NLGN1: variants seen among roughly 807,000 people sequenced by gnomAD.
NLGN1 encodes the protein neuroligin 1, also known as neuroligin-1.
In NLGN1, 12 loss-of-function variants were observed where a neutral mutation model predicts 65.5. The observed-to-expected ratio is 0.18, with a 90% CI of 0.12 to 0.30. NLGN1 has a LOEUF of 0.30. Among genes scored for constraint, NLGN1 ranks in the 10% least tolerant of loss-of-function variants. NLGN1 has a pLI of 1.00. For synonymous variants in NLGN1, 350 were observed against 359.5 expected, an observed-to-expected ratio of 0.97 and a Z score of 0.30; for missense variants, 750 against 1,007.1, an observed-to-expected ratio of 0.74 and a Z score of 3.46.
chr3:173,835,332 G>A (rs1391180751), intron 4 of NLGN1, among the ~76,000 whole-genome samples: 2 of 152,054 alleles, frequency 1.3e-5, no homozygotes, highest in Non-Finnish European at 2.9e-5. Flanking sequence ...CAAGAGGAAA[G>A]GCTTTTTAAT....
intron 3 of NLGN1, among the ~76,000 whole-genome samples, chr3:173,785,736 C>T (rs1166892204): frequency 1.3e-5 from 2 of 151,924 alleles, no homozygotes; most frequent in East Asian, 3.9e-4. Flanking sequence ...TATAATCTCT[C>T]ATCTATTTAC....
Position 174,089,470 on chromosome 3 carries a change from G to A in NLGN1, c.647-185845G>A, listed in dbSNP as rs111960912. 3.4e-3 allele frequency among the ~76,000 whole-genome samples: 516 copies of A among 152,148 alleles called. 3 individuals are homozygous for A. The highest frequency in any genetic ancestry group is 0.012 in the African/African-American group (495 of 41,514). ...GTCCACAAAAACAGCAGCCTTCCTT[G>A]AAATAAGAGAGGATACAAGAAAAGT... On this transcript the variant is annotated intron_variant, in intron 4 of 6. Transcript: ENST00000457714.
At chr3:173,601,869 C>A (rs1203461043) in intron 2 of NLGN1, among the ~76,000 whole-genome samples, 2 of 151,874 alleles carry the variant, frequency 1.3e-5, no homozygotes, top group Non-Finnish European at 2.9e-5. Context: ...TTTTTAATTT[C>A]TCTGTCCTAT....
At chr3:174,267,889 A>C (rs993282669) in intron 4 of NLGN1, among the ~76,000 whole-genome samples, 1 of 152,176 alleles carries the variant, frequency 6.6e-6, no homozygotes, top group African/African-American at 2.4e-5. Context: ...TCTAGTCCAG[A>C]AAAAAATGGA....
rs556026381 is a variant in NLGN1 at position 174,133,256 on chromosome 3, G to A, written c.647-142059G>A. Reference sequence around the variant, plus strand: ...AACCAAGAAGTTAAAACCTTCACATGCCATTCATTCCTTCGTAGAAGTCTC... The same window carrying A: ...AACCAAGAAGTTAAAACCTTCACATACCATTCATTCCTTCGTAGAAGTCTC... On this transcript the variant is annotated intron_variant, in intron 4 of 6. Transcript: ENST00000457714. 1.1e-4 allele frequency among the ~76,000 whole-genome samples: 16 copies of A among 152,294 alleles called. No individual in the cohort carries two copies. The South Asian group carries it at 2.9e-3, about 28-fold the overall frequency.
chr3:173,754,091 C>T (rs1302894552), intron 3 of NLGN1, among the ~76,000 whole-genome samples: 8 of 143,478 alleles, frequency 5.6e-5, no homozygotes, highest in East Asian at 2.1e-4. Flanking sequence ...TCACCCAGAG[C>T]GGGGTAGTGC....
chr3:174,255,435 C>CAAAAAAAAAAAA (rs71162383), intron 4 of NLGN1, among the ~76,000 whole-genome samples: 3 of 70,218 alleles, frequency 4.3e-5, no homozygotes, highest in African/African-American at 2.3e-4. Flanking sequence ...GACTCTGTCT[C>CAAAAAAAAAAAA]AAAAAAAAAA....
At chr3:174,130,968 C>CT (rs922158794) in intron 4 of NLGN1, among the ~76,000 whole-genome samples, 2 of 152,074 alleles carry the variant, frequency 1.3e-5, no homozygotes, top group African/African-American at 4.8e-5. Flanking sequence ...GGGATATAAA[C>CT]TTTTTTCTGT....
chr3:174,227,767 C>T (rs893914848), intron 4 of NLGN1, among the ~76,000 whole-genome samples: 2 of 151,950 alleles, frequency 1.3e-5, no homozygotes, highest in Non-Finnish European at 2.9e-5. Flanking sequence ...AATAGCATTA[C>T]TTAATTAATT....
At chr3:173,960,664 C>G (rs1410656606) in intron 4 of NLGN1, among the ~76,000 whole-genome samples, 2 of 151,614 alleles carry the variant, frequency 1.3e-5, no homozygotes, top group Non-Finnish European at 1.5e-5. Flanking sequence ...ATAAACTATA[C>G]AAAGAAAAAT....
At chr3:173,914,974 G>T (rs1024250122) in intron 4 of NLGN1, 1 of 152,124 alleles carries the variant, frequency 6.6e-6, no homozygotes, top group Non-Finnish European at 1.5e-5. Context: ...AATCCTTGCG[G>T]TTTTTAAAAC....
chr3:174,261,060 C>T (rs1746794284), intron 4 of NLGN1, among the ~76,000 whole-genome samples: 1 of 152,108 alleles, frequency 6.6e-6, no homozygotes, highest in Non-Finnish European at 1.5e-5. Context: ...GTTTTGGTAC[C>T]AGTACCATGC....
chr3:174,166,414 GT>G (rs2152727155), intron 4 of NLGN1, among the ~76,000 whole-genome samples: 1 of 152,082 alleles, frequency 6.6e-6, no homozygotes, highest in South Asian at 2.1e-4. Context: ...TTTCAAAGAA[GT>G]TTTTGATTTC....
intron 3 of NLGN1, among the ~76,000 whole-genome samples, chr3:173,743,633 A>G (rs963486902): frequency 3.3e-5 from 5 of 152,054 alleles, no homozygotes; most frequent in Non-Finnish European, 7.4e-5. Context: ...TCTGTTTTCT[A>G]TGTCTAAGTG....
chr3:173,525,877 G>A (rs887032154), intron 2 of NLGN1, among the ~76,000 whole-genome samples: 3 of 152,008 alleles, frequency 2.0e-5, no homozygotes, highest in African/African-American at 2.4e-5. Context: ...TCAGGAGCAG[G>A]TTACTTAGTT....
chr3:173,944,247 C>T (rs1413304990), intron 4 of NLGN1, among the ~76,000 whole-genome samples: 9 of 150,702 alleles, frequency 6.0e-5, no homozygotes, highest in East Asian at 3.9e-4. Flanking sequence ...AAGGTGTACT[C>T]GTATTTTAGT....
chr3:173,696,079 G>A (rs1244597973), intron 3 of NLGN1, among the ~76,000 whole-genome samples: 1 of 152,130 alleles, frequency 6.6e-6, no homozygotes, highest in East Asian at 1.9e-4. Context: ...CTCAAAGTGT[G>A]AAGATTACAA....
chr3:173,437,158 C>G (rs1369663259), intron 2 of NLGN1, among the ~76,000 whole-genome samples: 1 of 152,190 alleles, frequency 6.6e-6, no homozygotes, highest in African/African-American at 2.4e-5. Flanking sequence ...ATTCCCAAGT[C>G]GTGATCTGTT....
intron 4 of NLGN1, among the ~76,000 whole-genome samples, chr3:174,235,050 GT>G (rs5854558): frequency 0.36 from 41,870 of 115,830 alleles, 7,208 homozygotes; most frequent in East Asian, 0.57. Context: ...GTGACAGCCA[GT>G]TTTTTTTAGT....
Sources: allele counts gnomAD v4.1 joint callset (sites outside exome capture counted in the v4.1 genomes callset), GRCh38; gene constraint gnomAD v4.1.1; transcripts MANE v1.5; gene names NCBI Gene and HGNC (gene_info 2026-07-23, HGNC 2026-07-21).